Variants in BDP1 observed in about 807,000 individuals in gnomAD.
BDP1 encodes the protein transcription factor TFIIIB component B'' homolog.
In BDP1, 169 loss-of-function variants were observed where a neutral mutation model predicts 266.6. That is an observed-to-expected ratio of 0.63 (90% CI 0.56 to 0.72). The LOEUF is 0.72. Among genes scored for constraint, BDP1 ranks in the 30% least tolerant of loss-of-function variants. The pLI, the probability that BDP1 is intolerant of heterozygous loss-of-function variation, is 0.00. For missense variants in BDP1, 3,015 were observed against 3,053.8 expected (o/e 0.99, Z 0.30); for synonymous variants, 1,090 against 1,022.4 (o/e 1.07, Z -1.26).
In BDP1 at chr5:71,513,330, A is replaced by C. The variant is rs1239264155; in HGVS notation, c.4393A>C (p.Lys1465Gln). The change falls in exon 19 of 39, where the codon AAA becomes CAA. Residue 1465 changes from lysine to glutamine, a missense_variant. Lys to Gln is a moderately conservative substitution (Grantham distance 53). Transcript: ENST00000358731. ...ATCAGAAAAATATATATATGAGAAG[A>C]AATCAGAAACCAAGAAAATGGAGAC... ...TESEKYIYEK[K>Q]SETKKMETIV... The C allele has an allele frequency of 6.2e-7, 1 of 1,607,566 alleles. No individual in the cohort carries two copies. Among genetic ancestry groups the C allele is most frequent in the African/African-American group, 1.3e-5 (1 of 74,654 alleles).
At chr5:71,553,618 G>C (rs1743008589) in intron 35 of BDP1, among the ~76,000 whole-genome samples, 1 of 152,078 alleles carries the variant, frequency 6.6e-6, no homozygotes, top group African/African-American at 2.4e-5. Context: ...CTACCACCTA[G>C]TAGCTGTAAC....
chr5:71,464,320 T>G (rs1358185831), intron 4 of BDP1, among the ~76,000 whole-genome samples: 1 of 151,908 alleles, frequency 6.6e-6, no homozygotes, highest in Non-Finnish European at 1.5e-5. Flanking sequence ...CATAGTGACA[T>G]TTTGTCTCTA....
chr5:71,496,133 T>C (rs1173853804), intron 12 of BDP1, among the ~76,000 whole-genome samples: 2 of 151,390 alleles, frequency 1.3e-5, no homozygotes, highest in East Asian at 2.0e-4. Context: ...TCCCAGCTAC[T>C]TGGGAGGCTG....
chr5:71,511,398 A>T (rs1764912899), intron 17 of BDP1: 2 of 415,874 alleles, frequency 4.8e-6, no homozygotes, highest in Non-Finnish European at 8.4e-6. Flanking sequence ...TGGAAGGATT[A>T]CTTGAGCCCA....
chr5:71,457,033 T>A (rs1377443321), intron 1 of BDP1, among the ~76,000 whole-genome samples: 1 of 152,206 alleles, frequency 6.6e-6, no homozygotes, highest in Non-Finnish European at 1.5e-5. Flanking sequence ...GGTTAGTAAT[T>A]TCCAAGTTTA....
intron 15 of BDP1, among the ~76,000 whole-genome samples, chr5:71,503,019 C>T (rs375083485): frequency 1.7e-3 from 246 of 140,736 alleles, no homozygotes; most frequent in South Asian, 7.6e-3. Flanking sequence ...CACCTGAGAT[C>T]GTGCCACCGC....
chr5:71,492,887 A>C (rs1484091703), intron 11 of BDP1, among the ~76,000 whole-genome samples: 1 of 152,256 alleles, frequency 6.6e-6, no homozygotes, highest in Non-Finnish European at 1.5e-5. Context: ...TTGTGCAGCC[A>C]TCAGCACTAT....
intron 25 of BDP1, among the ~76,000 whole-genome samples, chr5:71,531,566 T>C (rs1580158874): frequency 6.6e-6 from 1 of 152,286 alleles, no homozygotes; most frequent in Middle Eastern, 3.4e-3. Flanking sequence ...TAGAGTGCAG[T>C]GGCATAATCT....
At chr5:71,551,265 C>T (rs1235375364) in intron 34 of BDP1, among the ~76,000 whole-genome samples, 12 of 152,160 alleles carry the variant, frequency 7.9e-5, no homozygotes, top group African/African-American at 2.2e-4. Flanking sequence ...TGCGGCCTTC[C>T]GCTGTTTTTG....
chr5:71,459,301 C>T (rs1761396803), intron 2 of BDP1, among the ~76,000 whole-genome samples: 1 of 152,142 alleles, frequency 6.6e-6, no homozygotes, highest in South Asian at 2.1e-4. Context: ...CACTTGAGGT[C>T]AGGAGTTCAA....
At chr5:71,541,068 A>AACATATAGAACATAAAGT (rs1766934833) in intron 28 of BDP1, among the ~76,000 whole-genome samples, 1 of 152,244 alleles carries the variant, frequency 6.6e-6, no homozygotes, top group Admixed American at 6.5e-5. Flanking sequence ...GCCTGTCAAA[A>AACATATAGAACATAAAGT]ACATATAGAA....
chr5:71,524,099 C>T lies in BDP1; in HGVS notation c.5548C>T (p.Arg1850Trp), dbSNP rs34727932. The T allele has an allele frequency of 3.5e-3, 5,649 of 1,614,134 alleles. 15 individuals carry two copies. Among genetic ancestry groups the T allele is most frequent in the Non-Finnish European group, 4.1e-3 (4,873 of 1,180,032 alleles). Residue 1850 changes from arginine to tryptophan, a missense_variant, in exon 25 of 39, where the codon CGG (arginine) becomes TGG (tryptophan). Arg to Trp is a moderately radical substitution (Grantham distance 101). Transcript: ENST00000358731. ...VTRGRGSKRV[R>W]GKTSKKEPRA... is the part of the protein sequence containing the mutation. ...CAGAGGTCGTGGATCAAAACGAGTT[C>T]GGGGTAAGACCTCTAAGAAGGAACC...
chr5:71,525,565 T>C (rs6867127), intron 25 of BDP1, among the ~76,000 whole-genome samples: 34,380 of 57,740 alleles, frequency 0.6, 9,450 homozygotes, highest in East Asian at 0.74. Flanking sequence ...CCCTCCCGGA[T>C]GGGGCGGCTG....
At chr5:71,517,301 A>C in intron 21 of BDP1, 21 bp from the exon 22 acceptor site, 1 of 1,572,168 alleles carries the variant, frequency 6.4e-7, no homozygotes, top group African/African-American at 1.4e-5. Flanking sequence ...ATAACATACT[A>C]ATATGATTTT....
At chr5:71,477,278 C>T (rs1261438739) in intron 7 of BDP1, among the ~76,000 whole-genome samples, 2 of 151,902 alleles carry the variant, frequency 1.3e-5, no homozygotes, top group East Asian at 1.9e-4. Context: ...CTGCCTCAGC[C>T]TCCTGGACCA....
chr5:71,535,386 G>A (rs1363686811), intron 26 of BDP1, among the ~76,000 whole-genome samples: 2 of 151,912 alleles, frequency 1.3e-5, no homozygotes, highest in Non-Finnish European at 2.9e-5. Flanking sequence ...TGTATTTTTA[G>A]TAGAGATGGG....
At chr5:71,545,340 C>CT (rs569236156) in intron 32 of BDP1, 121 bp downstream of exon 32, 20,568 of 759,042 alleles carry the variant, frequency 0.027, no homozygotes, top group South Asian at 0.036. Context: ...TTTATTTCTT[C>CT]TTTTTTTTTT....
At chr5:71,473,402 G>A (rs1028173626) in intron 7 of BDP1, among the ~76,000 whole-genome samples, 2 of 150,446 alleles carry the variant, frequency 1.3e-5, no homozygotes, top group African/African-American at 4.9e-5. Flanking sequence ...AGCCTCCCGA[G>A]TAGCTGGGAC....
chr5:71,488,761 G>T (rs1456261018), intron 9 of BDP1, among the ~76,000 whole-genome samples: 5 of 149,504 alleles, frequency 3.3e-5, no homozygotes, highest in Non-Finnish European at 5.9e-5. Flanking sequence ...AGGCTGGAGT[G>T]CAATGGTGCG....
Sources: gnomAD v4.1 joint callset for allele counts (sites outside exome capture counted in the v4.1 genomes callset) on GRCh38, gnomAD v4.1.1 for gene constraint, MANE v1.5 for transcripts, NCBI Gene and HGNC (gene_info 2026-07-23, HGNC 2026-07-21) for gene names.